The following PCDHGB2 variants were observed in gnomAD, a reference collection of about 807,000 sequenced individuals.
PCDHGB2 encodes protocadherin gamma-B2.
A neutral mutation model predicts 59.3 loss-of-function variants in PCDHGB2; 55 were observed. The observed-to-expected ratio is 0.93, with a 90% CI of 0.75 to 1.16. PCDHGB2 has a LOEUF of 1.16. Ranked by LOEUF, PCDHGB2 falls within the 50% of genes most tolerant of loss-of-function variation. The pLI, the probability that PCDHGB2 is intolerant of heterozygous loss-of-function variation, is 0.00. For synonymous variants in PCDHGB2, 516 were observed against 512.0 expected (o/e 1.01, Z -0.11); for missense variants, 1,228 against 1,198.5 (o/e 1.02, Z -0.36).
At position 141,491,823 on chromosome 5, in the gene PCDHGB2, C is replaced by G; in HGVS notation, c.2422-2984C>G. Reference sequence around the variant, plus strand: ...GCCGGCTTGGTCGCTGGCTGCGCTCCACCCGATTCTCGGGATCATTGGACC... The same window carrying G: ...GCCGGCTTGGTCGCTGGCTGCGCTCGACCCGATTCTCGGGATCATTGGACC... On this transcript the variant is annotated intron_variant, in intron 1 of 3. Transcript: ENST00000522605. The surrounding 1 kb of genome is among the most constrained non-coding windows in gnomAD (Gnocchi z 6.9). The G allele has an allele frequency of 6.8e-7, 1 of 1,479,156 alleles. No individual in the cohort carries two copies. Among genetic ancestry groups the G allele is most frequent in the Non-Finnish European group, 9.0e-7 (1 of 1,115,292 alleles). 91.6% of individuals were successfully genotyped at this position (1,479,156 alleles called of 1,614,324 possible). A position where few individuals can be genotyped will look rare whatever the true frequency, so the allele number is the denominator to read the frequency against.
chr5:141,372,601 T>C, intron 1 of PCDHGB2: 1 of 1,614,028 alleles, frequency 6.2e-7, no homozygotes, highest in Non-Finnish European at 8.5e-7. Context: ...TTCAAGACTG[T>C]ACCTGGAGTT....
At chr5:141,409,153 G>A in intron 1 of PCDHGB2, 1 of 1,614,026 alleles carries the variant, frequency 6.2e-7, no homozygotes. Context: ...GGTACACCAT[G>A]GAAGTGGAAG....
intron 1 of PCDHGB2, chr5:141,383,728 G>GGT (rs1554087976): frequency 1.9e-6 from 3 of 1,613,878 alleles, no homozygotes; most frequent in Non-Finnish European, 2.5e-6. Flanking sequence ...CAATGGGGAA[G>GGT]TGACATATTC....
chr5:141,433,255 A>G (rs2097579829), intron 1 of PCDHGB2: 2 of 1,401,470 alleles, frequency 1.4e-6, no homozygotes, highest in South Asian at 1.4e-5. Context: ...ATGCAGCGGT[A>G]CGATCATAGC....
chr5:141,420,009 A>T, intron 1 of PCDHGB2: 1 of 1,614,088 alleles, frequency 6.2e-7, no homozygotes, highest in Non-Finnish European at 8.5e-7. Context: ...CGCCTGCGAC[A>T]GTCTTTCAGC....
At chr5:141,462,122 C>A (rs1437400069) in intron 1 of PCDHGB2, among the ~76,000 whole-genome samples, 3 of 152,044 alleles carry the variant, frequency 2.0e-5, no homozygotes, top group Admixed American at 6.6e-5. Context: ...TGCACCCAGT[C>A]CAATTTTTTG....
chr5:141,431,408 G>T lies in PCDHGB2; in HGVS notation c.2422-63399G>T, dbSNP rs1270461546. On this transcript the variant is annotated intron_variant, in intron 1 of 3. Coordinates refer to ENST00000522605, the MANE Select transcript of PCDHGB2 (RefSeq NM_018923.3). The surrounding 1 kb of genome is among the most constrained non-coding windows in gnomAD (Gnocchi z 4.8). ...CCACCTGGTCCTTACGGCCTCCGAC[G>T]GGGGCGACCCGGTGCGCACAGGCAC... 4 of 1,613,600 alleles carry T rather than the reference G, an allele frequency of 2.5e-6. No individual in the cohort carries two copies. Among genetic ancestry groups the T allele is most frequent in the Non-Finnish European group, 3.4e-6 (4 of 1,180,038 alleles).
At chr5:141,445,767 T>C (rs2098476828) in intron 1 of PCDHGB2, among the ~76,000 whole-genome samples, 1 of 152,142 alleles carries the variant, frequency 6.6e-6, no homozygotes, top group African/African-American at 2.4e-5. Flanking sequence ...ACTCAAGCAA[T>C]TTAAAAGGGC....
intron 1 of PCDHGB2, chr5:141,374,155 G>A (rs1165591733): frequency 6.2e-7 from 1 of 1,612,144 alleles, no homozygotes; most frequent in Admixed American, 1.7e-5. Flanking sequence ...GGACGCTGTG[G>A]GGGGCCGCGG....
intron 1 of PCDHGB2, among the ~76,000 whole-genome samples, chr5:141,436,793 C>A (rs752376420): frequency 6.6e-6 from 1 of 152,178 alleles, no homozygotes; most frequent in Non-Finnish European, 1.5e-5. Context: ...TAAAACTGTT[C>A]TAAAATTTTT....
chr5:141,370,950 C>G (rs78666647), intron 1 of PCDHGB2: 1 of 1,614,002 alleles, frequency 6.2e-7, no homozygotes, highest in South Asian at 1.1e-5. Flanking sequence ...GAAGGAGAAC[C>G]TGGATGGCAG....
chr5:141,441,700 T>TCAAG (rs1409793305), intron 1 of PCDHGB2: 1 of 308,660 alleles, frequency 3.2e-6, no homozygotes, highest in African/African-American at 2.3e-5. Context: ...CCGCGAGCCT[T>TCAAG]CAAGCTCACG....
intron 1 of PCDHGB2, chr5:141,384,713 C>T (rs1780398191): frequency 4.3e-6 from 7 of 1,614,104 alleles, no homozygotes; most frequent in Non-Finnish European, 5.9e-6. Context: ...GCCTGGCTGT[C>T]ATACCTCCTG....
At chr5:141,375,738 T>C (rs1771822925) in intron 1 of PCDHGB2, 2 of 1,614,130 alleles carry the variant, frequency 1.2e-6, no homozygotes, top group African/African-American at 2.7e-5. Context: ...AGCCTGTTTG[T>C]GCTGGACCAG....
rs370792537 is a variant in PCDHGB2 at position 141,370,669 on chromosome 5, G to A, written c.2421+8113G>A. ...TTACTTGTGAGCGACCGTATAGACC[G>A]AGAGGAGATTTGTGGCAAGAAGTCG... is the stretch of plus-strand genomic sequence containing the variant. On this transcript the variant is annotated intron_variant, in intron 1 of 3. Coordinates refer to ENST00000522605, the MANE Select transcript of PCDHGB2 (RefSeq NM_018923.3). The A allele has an allele frequency of 5.6e-6, 9 of 1,613,788 alleles. No homozygotes were observed. In the East Asian group the frequency reaches 1.1e-4, roughly 20 times the overall value.
chr5:141,497,812 T>C (rs947015544), intron 2 of PCDHGB2, among the ~76,000 whole-genome samples: 2 of 152,202 alleles, frequency 1.3e-5, no homozygotes, highest in African/African-American at 4.8e-5. Flanking sequence ...AGTGCTAGAA[T>C]TACAGGTGTG....
At chr5:141,414,567 T>C in intron 1 of PCDHGB2, 1 of 1,613,962 alleles carries the variant, frequency 6.2e-7, no homozygotes, top group Non-Finnish European at 8.5e-7. Context: ...ACTTTACCTA[T>C]ATCCCAGAGA....
At chr5:141,366,593 C>T in intron 1 of PCDHGB2, 1 of 1,614,248 alleles carries the variant, frequency 6.2e-7, no homozygotes, top group Non-Finnish European at 8.5e-7. Flanking sequence ...GACCTATTCC[C>T]ACGAGGTCTC....
rs188283892 is a variant in PCDHGB2, at chr5:141,394,450, T to C, written c.2421+31894T>C. ...GGGGACCCGCCCCTCAGCAGCAACA[T>C]GTCACTGAGCCTGTTCGTGCTGGAC... On this transcript the variant is annotated intron_variant, in intron 1 of 3. Coordinates refer to ENST00000522605, the MANE Select transcript of PCDHGB2 (RefSeq NM_018923.3). 12 of 1,614,228 alleles carry C rather than the reference T, an allele frequency of 7.4e-6. No individual in the cohort carries two copies. In the South Asian group the frequency reaches 1.3e-4, roughly 18 times the overall value.
Sources: gnomAD v4.1 joint callset for allele counts (sites outside exome capture counted in the v4.1 genomes callset) on GRCh38, gnomAD v4.1.1 for gene constraint, Gnocchi (gnomAD v3.1) non-coding constraint, MANE v1.5 for transcripts, NCBI Gene and HGNC (gene_info 2026-07-23, HGNC 2026-07-21) for gene names.